Variants in YY1 observed in about 807,000 individuals in gnomAD.
The protein encoded by YY1 is YY1 transcription factor, also known as transcriptional repressor protein YY1.
Under a neutral mutation model 35.6 loss-of-function variants are expected in YY1, and 2 were observed. The ratio of observed to expected loss-of-function variants is 0.06; its 90% confidence interval spans 0.02 to 0.18. The LOEUF is 0.18. Ranked by LOEUF, YY1 falls within the 10% of genes least tolerant of loss-of-function variation. The probability of loss-of-function intolerance (pLI) is 1.00; values close to 1 mark genes in which losing one functional copy is unlikely to be tolerated. For missense variants in YY1, 322 were observed against 573.4 expected, an observed-to-expected ratio of 0.56 and a Z score of 4.48; for synonymous variants, 268 against 238.9, an observed-to-expected ratio of 1.12 and a Z score of -1.12.
intron 1 of YY1, among the ~76,000 whole-genome samples, chr14:100,241,813 A>G (rs1890747623): frequency 6.6e-6 from 1 of 152,062 alleles, no homozygotes; most frequent in Non-Finnish European, 1.5e-5. Context: ...ATCTCTACTA[A>G]AAATATAAAA....
Position 100,276,835 on chromosome 14 carries a change from T to A in YY1, c.1062+187T>A. ...TGCCGGGGCTCTGGACATCCTTGTC[T>A]ATACTCTGTGGTACTGGGTACGCAA... On this transcript the variant is annotated intron_variant, in intron 4 of 4. Transcript: ENST00000262238. This position sits in a 1 kb window ranked among gnomAD's most constrained non-coding sequence, Gnocchi z 4.1. The A allele has an allele frequency of 1.3e-6, 1 of 741,840 alleles. No individual in the cohort carries two copies. The highest frequency in any genetic ancestry group is 2.2e-6 in the Non-Finnish European group (1 of 449,110). The allele number at this position is 741,840 out of a possible 1,614,324, so 46.0% of individuals were successfully genotyped here.
Position 100,262,292 on chromosome 14 carries a change from G to T in YY1, c.680-12G>T. Reference sequence around the variant, plus strand: ...TTTACTCAGCTAAAGATAATCTCATGATGTGTTTCAGATGAAAAAAAAGAT... The same window carrying T: ...TTTACTCAGCTAAAGATAATCTCATTATGTGTTTCAGATGAAAAAAAAGAT... On this transcript the variant is annotated splice_polypyrimidine_tract_variant and intron_variant, in intron 1 of 4. Coordinates refer to ENST00000262238, the MANE Select transcript of YY1 (RefSeq NM_003403.5). The T allele has an allele frequency of 6.2e-7, 1 of 1,613,174 alleles. No homozygotes were observed. The highest frequency in any genetic ancestry group is 1.1e-5 in the South Asian group (1 of 91,006).
chr14:100,241,696 C>G (rs150861132), intron 1 of YY1, among the ~76,000 whole-genome samples: 1 of 152,132 alleles, frequency 6.6e-6, no homozygotes, highest in African/African-American at 2.4e-5. Context: ...TGGTTTTGGC[C>G]GGGCGCGGTG....
In YY1 at chr14:100,239,183, G is replaced by T. The variant is rs1378636472; in HGVS notation, c.-62G>T. ...CTTCCCCACGGCCGGCCGCCTCCTC[G>T]CCCGCCCGCCCGCAGCCGAGGAGCC... On this transcript the variant is annotated 5_prime_UTR_variant, in exon 1 of 5. Coordinates refer to ENST00000262238, the MANE Select transcript of YY1 (RefSeq NM_003403.5). 1.6e-6 allele frequency: 2 copies of T among 1,256,182 alleles called. No individual in the cohort carries two copies. The highest frequency in any genetic ancestry group is 2.0e-6 in the Non-Finnish European group (2 of 1,001,634). The allele number at this position is 1,256,182 out of a possible 1,614,324, so 77.8% of individuals were successfully genotyped here. A position where few individuals can be genotyped will look rare whatever the true frequency, so the allele number is the denominator to read the frequency against.
chr14:100,246,291 C>T (rs572637427), intron 1 of YY1, among the ~76,000 whole-genome samples: 2 of 152,304 alleles, frequency 1.3e-5, no homozygotes, highest in African/African-American at 4.8e-5. Flanking sequence ...GGCCAGTGTC[C>T]CCCCCATTCT....
Position 100,277,170 on chromosome 14 carries a change from G to A in YY1, c.1063-248G>A. The stretch of plus-strand genomic sequence containing the variant: ...TGTTTACAGCAGCACTAGGACTCTA[G>A]CCTGCATTTAGGAAGACTTGCCATT... On this transcript the variant is annotated intron_variant, in intron 4 of 4. Coordinates refer to ENST00000262238, the MANE Select transcript of YY1 (RefSeq NM_003403.5). This position sits in a 1 kb window ranked among gnomAD's most constrained non-coding sequence, Gnocchi z 5.6. 1 of 578,054 alleles carries A rather than the reference G, an allele frequency of 1.7e-6. No homozygotes were observed. 35.8% of individuals were successfully genotyped at this position (578,054 alleles called of 1,614,324 possible).
chr14:100,267,337 AAAT>A (rs1365544477), intron 2 of YY1, among the ~76,000 whole-genome samples: 1 of 152,192 alleles, frequency 6.6e-6, no homozygotes, highest in Non-Finnish European at 1.5e-5. Context: ...GCCCCACAGT[AAAT>A]AATATTTGCA....
At chr14:100,254,666 G>T (rs1021340012) in intron 1 of YY1, among the ~76,000 whole-genome samples, 1 of 151,622 alleles carries the variant, frequency 6.6e-6, no homozygotes, top group Non-Finnish European at 1.5e-5. Flanking sequence ...CATGTTGGCC[G>T]GGCTGGTCTC....
At chr14:100,250,919 A>C (rs907508574) in intron 1 of YY1, among the ~76,000 whole-genome samples, 2 of 151,974 alleles carry the variant, frequency 1.3e-5, no homozygotes, top group Non-Finnish European at 2.9e-5. Flanking sequence ...ACGTGGGAGA[A>C]TCACCTGAGC....
chr14:100,271,917 A>C (rs977297958), intron 2 of YY1, among the ~76,000 whole-genome samples: 2 of 152,192 alleles, frequency 1.3e-5, no homozygotes, highest in African/African-American at 4.8e-5. Context: ...TGACCCTATC[A>C]CACGAGTGCA....
chr14:100,248,606 G>A (rs1357598724), intron 1 of YY1, among the ~76,000 whole-genome samples: 4 of 151,790 alleles, frequency 2.6e-5, no homozygotes, highest in Non-Finnish European at 2.9e-5. Context: ...GGGCTCAAGC[G>A]GTTCTCTGGC....
chr14:100,276,547 G>A lies in YY1; in HGVS notation c.961G>A (p.Gly321Ser). Residue 321 changes from glycine (G) to serine (S), a missense_variant, in exon 4 of 5, where the codon GGT becomes AGT. Coordinates refer to ENST00000262238, the MANE Select transcript of YY1 (RefSeq NM_003403.5). The surrounding 1 kb of genome is among the most constrained non-coding windows in gnomAD (Gnocchi z 4.1). ...SAMRKHLHTHGPRVHVCAECG... is the reference protein window; with the variant it reads ...SAMRKHLHTHSPRVHVCAECG... ...CATGAGAAAACATCTGCACACCCAC[G>A]GTCCCAGAGTCCACGTCTGTGCAGA... 1 of 1,614,186 alleles carries A rather than the reference G, an allele frequency of 6.2e-7. No individual in the cohort carries two copies. Among genetic ancestry groups the A allele is most frequent in the Non-Finnish European group, 8.5e-7 (1 of 1,180,042 alleles).
intron 2 of YY1, among the ~76,000 whole-genome samples, chr14:100,264,775 G>C (rs929348788): frequency 2.6e-5 from 4 of 152,218 alleles, no homozygotes; most frequent in African/African-American, 9.6e-5. Flanking sequence ...GCCTGAGTTA[G>C]AATTGTGGCA....
At chr14:100,265,884 T>C (rs1410914889) in intron 2 of YY1, among the ~76,000 whole-genome samples, 2 of 151,990 alleles carry the variant, frequency 1.3e-5, no homozygotes, top group Non-Finnish European at 2.9e-5. Context: ...CCTAACCTCA[T>C]GATCCACCCG....
At chr14:100,263,065 G>A (rs1891106617) in intron 2 of YY1, among the ~76,000 whole-genome samples, 1 of 152,132 alleles carries the variant, frequency 6.6e-6, no homozygotes, top group South Asian at 2.1e-4. Context: ...GTGCCACCAC[G>A]CCCAGCCAAT....
intron 1 of YY1, among the ~76,000 whole-genome samples, chr14:100,248,330 A>G (rs999719399): frequency 2.0e-5 from 3 of 151,762 alleles, no homozygotes; most frequent in African/African-American, 7.3e-5. Context: ...CACCGTATTA[A>G]CCAGGATGGT....
Position 100,270,262 on chromosome 14 carries a change from CAAAAAAAAAA to C in YY1, c.843-4417_843-4408del, listed in dbSNP as rs55649674. Among the ~76,000 whole-genome samples, 4 of 43,528 alleles carry C rather than the reference CAAAAAAAAAA, an allele frequency of 9.2e-5. No individual in the cohort carries two copies. The Admixed American group carries it at 1.1e-3, about 12-fold the overall frequency. 28.6% of individuals were successfully genotyped at this position (43,528 alleles called of 152,430 possible). ...TGGGCGACAGAGCAAGACTCTGTCT[CAAAAAAAAAA>C]AAAAAAAAAAAAAAAAAATTAAGTT... On this transcript the variant is annotated intron_variant, in intron 2 of 4. Coordinates refer to ENST00000262238, the MANE Select transcript of YY1 (RefSeq NM_003403.5).
At chr14:100,260,771 CTTTTTTTTTTTTTTTTTTTT>C (rs71113254) in intron 1 of YY1, among the ~76,000 whole-genome samples, 39 of 42,568 alleles carry the variant, frequency 9.2e-4, no homozygotes, top group East Asian at 6.5e-3. Flanking sequence ...GTGCCTGGTC[CTTTTTTTTTTTTTTTTTTTT>C]TTTTTTTTTT....
intron 1 of YY1, among the ~76,000 whole-genome samples, chr14:100,255,596 G>C (rs937388515): frequency 2.6e-5 from 4 of 152,304 alleles, no homozygotes; most frequent in Middle Eastern, 3.4e-3. Flanking sequence ...TCCAACCTGG[G>C]GGGGACAGAG....
Sources: gnomAD v4.1 joint callset for allele counts (sites outside exome capture counted in the v4.1 genomes callset) on GRCh38, gnomAD v4.1.1 for gene constraint, Gnocchi (gnomAD v3.1) non-coding constraint, MANE v1.5 for transcripts, NCBI Gene and HGNC (gene_info 2026-07-23, HGNC 2026-07-21) for gene names.